Variants in SLC7A11 observed in about 807,000 individuals in gnomAD.
The protein encoded by SLC7A11 is cystine/glutamate transporter.
Under a neutral mutation model 54.5 loss-of-function variants are expected in SLC7A11, and 35 were observed. That is an observed-to-expected ratio of 0.64 (90% CI 0.49 to 0.85). SLC7A11 has a LOEUF of 0.85. SLC7A11 is among the 40% of genes least tolerant of loss of function. SLC7A11 has a pLI of 0.00. For missense variants in SLC7A11, 583 were observed against 618.1 expected, an observed-to-expected ratio of 0.94 and a Z score of 0.60; for synonymous variants, 230 against 225.2, an observed-to-expected ratio of 1.02 and a Z score of -0.19.
chr4:138,197,207 T>A (rs1423795091), intron 6 of SLC7A11, among the ~76,000 whole-genome samples: 1 of 152,114 alleles, frequency 6.6e-6, no homozygotes, highest in African/African-American at 2.4e-5. Context: ...AATAATTAAA[T>A]TTATTCATGT....
chr4:138,176,383 G>A (rs756011747), intron 11 of SLC7A11: 9 of 152,124 alleles, frequency 5.9e-5, no homozygotes, highest in Non-Finnish European at 1.2e-4. Flanking sequence ...ATTGCTGCTA[G>A]TTTCACAAAT....
At position 138,170,424 on chromosome 4, in the gene SLC7A11, C is replaced by A. The variant is rs1048333091; in HGVS notation, c.*1532G>T. On this transcript the variant is annotated 3_prime_UTR_variant, in exon 12 of 12. Coordinates refer to ENST00000280612, the MANE Select transcript of SLC7A11 (RefSeq NM_014331.4). ...CTCCGCCTCCCGGGTTCAAGCAATT[C>A]TCCTGCCTCAGCCTCCTCAATAGCT... 4.0e-5 allele frequency: 6 copies of A among 151,082 alleles called. No individual in the cohort carries two copies. The highest frequency in any genetic ancestry group is 2.6e-4 in the Admixed American group (4 of 15,102). 9.4% of individuals were successfully genotyped at this position (151,082 alleles called of 1,614,324 possible). A position where few individuals can be genotyped will look rare whatever the true frequency, so the allele number is the denominator to read the frequency against.
At chr4:138,238,492 C>G (rs1460911073) in intron 1 of SLC7A11, among the ~76,000 whole-genome samples, 1 of 152,082 alleles carries the variant, frequency 6.6e-6, no homozygotes, top group African/African-American at 2.4e-5. Flanking sequence ...TTAGACAGAA[C>G]TGCTCAATAT....
intron 3 of SLC7A11, 78 bp from the exon 4 acceptor site, chr4:138,223,402 G>A: frequency 2.0e-6 from 3 of 1,483,174 alleles, no homozygotes; most frequent in East Asian, 2.3e-5. Flanking sequence ...TTACTCAAAG[G>A]GCAATCTGTG....
chr4:138,231,692 G>C (rs1337487464), intron 3 of SLC7A11, among the ~76,000 whole-genome samples: 1 of 151,916 alleles, frequency 6.6e-6, no homozygotes, highest in Non-Finnish European at 1.5e-5. Flanking sequence ...TTTAATCAAT[G>C]AATATTTGTG....
chr4:138,232,639 A>G (rs1738108073), intron 2 of SLC7A11, among the ~76,000 whole-genome samples: 1 of 152,230 alleles, frequency 6.6e-6, no homozygotes, highest in Non-Finnish European at 1.5e-5. Flanking sequence ...CTGCTCTCCC[A>G]TATTTGACTT....
intron 6 of SLC7A11, 141 bp from the exon 7 acceptor site, chr4:138,185,385 T>C: frequency 1.1e-6 from 1 of 937,128 alleles, no homozygotes; most frequent in Non-Finnish European, 1.6e-6. Context: ...GTATAAACAT[T>C]TCATCAGGGC....
chr4:138,174,009 CAA>C (rs1000543414), intron 11 of SLC7A11, among the ~76,000 whole-genome samples: 7 of 152,016 alleles, frequency 4.6e-5, no homozygotes, highest in African/African-American at 1.4e-4. Context: ...AACAGAAAAA[CAA>C]GAGATCTCAG....
intron 2 of SLC7A11, among the ~76,000 whole-genome samples, chr4:138,235,431 T>G (rs1738184087): frequency 6.6e-6 from 1 of 152,092 alleles, no homozygotes; most frequent in Non-Finnish European, 1.5e-5. Context: ...CTTCTAACAC[T>G]GTAAAACTCA....
In SLC7A11 at chr4:138,182,285, A is replaced by AATAT; in HGVS notation, c.1116+8_1116+11dup. Reference sequence around the variant, plus strand: ...AAGGTTATATCTAGATATACTTGTTAATATGCATTACCAAAACAATAACAG... The same window carrying AATAT: ...AAGGTTATATCTAGATATACTTGTTAATATATATGCATTACCAAAACAATAACAG... On this transcript the variant is annotated intron_variant, in intron 9 of 11. Transcript: ENST00000280612. The AATAT allele has an allele frequency of 1.3e-6, 2 of 1,514,364 alleles. No homozygotes were observed. The highest frequency in any genetic ancestry group is 1.8e-6 in the Non-Finnish European group (2 of 1,089,618). 93.8% of individuals were successfully genotyped at this position (1,514,364 alleles called of 1,614,324 possible). A position where few individuals can be genotyped will look rare whatever the true frequency, so the allele number is the denominator to read the frequency against.
At chr4:138,222,720 CG>C (rs1338291052) in intron 4 of SLC7A11, among the ~76,000 whole-genome samples, 4 of 152,068 alleles carry the variant, frequency 2.6e-5, no homozygotes, top group African/African-American at 9.7e-5. Flanking sequence ...ATGCTGTTCC[CG>C]TATTGACTCC....
chr4:138,240,499 G>A (rs964553988), intron 1 of SLC7A11, among the ~76,000 whole-genome samples: 2 of 149,006 alleles, frequency 1.3e-5, no homozygotes, highest in Non-Finnish European at 3.0e-5. Context: ...CTTGGGAGGC[G>A]GAGGTTGCAG....
At chr4:138,177,440 CCTCTCTCTCTCTGT>C (rs1560716588) in intron 11 of SLC7A11, 1 of 150,040 alleles carries the variant, frequency 6.7e-6, no homozygotes, top group African/African-American at 2.4e-5. Flanking sequence ...TCTCTCTCTC[CCTCTCTCTCTCTGT>C]CTCTCTCTTT....
intron 6 of SLC7A11, among the ~76,000 whole-genome samples, chr4:138,209,664 T>C (rs770827077): frequency 6.6e-6 from 1 of 151,832 alleles, no homozygotes; most frequent in South Asian, 2.1e-4. Context: ...CAACAAAAAA[T>C]ACCTAGAAAT....
Position 138,169,269 on chromosome 4 carries a change from T to C in SLC7A11, c.*2687A>G, listed in dbSNP as rs1736348992. ...ATAAATAAGTGTTCAGGAGAGTTTT[T>C]GAGAATCTGCTTTACATACTGCAAT... On this transcript the variant is annotated 3_prime_UTR_variant, in exon 12 of 12. Coordinates refer to ENST00000280612, the MANE Select transcript of SLC7A11 (RefSeq NM_014331.4). 1 of 152,084 alleles carries C rather than the reference T, an allele frequency of 6.6e-6. No individual in the cohort carries two copies. The highest frequency in any genetic ancestry group is 1.5e-5 in the Non-Finnish European group (1 of 67,980). The allele number at this position is 152,084 out of a possible 1,614,324, so 9.4% of individuals were successfully genotyped here.
intron 6 of SLC7A11, among the ~76,000 whole-genome samples, chr4:138,212,229 G>T (rs896069543): frequency 6.6e-6 from 1 of 151,770 alleles, no homozygotes; most frequent in African/African-American, 2.4e-5. Flanking sequence ...GCTTCAAAAT[G>T]GTGTAATTTT....
At chr4:138,218,506 C>T (rs1331740596) in intron 5 of SLC7A11, among the ~76,000 whole-genome samples, 1 of 152,098 alleles carries the variant, frequency 6.6e-6, no homozygotes, top group Non-Finnish European at 1.5e-5. Flanking sequence ...AAGAGAAAGT[C>T]CCACTCTTAT....
chr4:138,198,760 A>G lies in SLC7A11; in HGVS notation c.792-13516T>C, dbSNP rs1737201066. Reference sequence around the variant, plus strand: ...AATCCAGAATTATTATTATTTTTGCACCAACCTAATACATTAAGAAACATT... The same window carrying G: ...AATCCAGAATTATTATTATTTTTGCGCCAACCTAATACATTAAGAAACATT... On this transcript the variant is annotated intron_variant, in intron 6 of 11. Coordinates refer to ENST00000280612, the MANE Select transcript of SLC7A11 (RefSeq NM_014331.4). 2.0e-5 allele frequency among the ~76,000 whole-genome samples: 3 copies of G among 152,292 alleles called. No individual in the cohort carries two copies. In the South Asian group the frequency reaches 6.2e-4, roughly 32 times the overall value.
intron 6 of SLC7A11, among the ~76,000 whole-genome samples, chr4:138,207,948 A>G (rs186025440): frequency 3.7e-4 from 57 of 152,216 alleles, no homozygotes; most frequent in African/African-American, 1.3e-3. Flanking sequence ...TAAGGAATTA[A>G]TACAGATACA....
Sources: allele counts gnomAD v4.1 joint callset (sites outside exome capture counted in the v4.1 genomes callset), GRCh38; gene constraint gnomAD v4.1.1; transcripts MANE v1.5; gene names NCBI Gene and HGNC (gene_info 2026-07-23, HGNC 2026-07-21).